Variants in FNBP1 observed in about 807,000 individuals in gnomAD.
The protein encoded by FNBP1 is formin-binding protein 1.
A neutral mutation model predicts 90.6 loss-of-function variants in FNBP1; 26 were observed. The ratio of observed to expected loss-of-function variants is 0.29; its 90% CI spans 0.21 to 0.40. The LOEUF (loss-of-function observed/expected upper bound fraction) is 0.40. Ranked by LOEUF, FNBP1 falls within the 10% of genes least tolerant of loss-of-function variation. FNBP1 has a pLI of 1.00. For synonymous variants in FNBP1, 260 were observed against 265.2 expected, an observed-to-expected ratio of 0.98 and a Z score of 0.19; for missense variants, 635 against 768.0, an observed-to-expected ratio of 0.83 and a Z score of 2.05.
intron 1 of FNBP1, among the ~76,000 whole-genome samples, chr9:130,014,989 T>A (rs1004491807): frequency 2.7e-5 from 4 of 145,754 alleles, no homozygotes; most frequent in Non-Finnish European, 4.5e-5. Context: ...AAAAAAAAAA[T>A]CCCGGACGAT....
At chr9:130,038,717 A>G (rs368348794) in intron 1 of FNBP1, among the ~76,000 whole-genome samples, 1 of 152,082 alleles carries the variant, frequency 6.6e-6, no homozygotes, top group Non-Finnish European at 1.5e-5. Context: ...GCTTCTTACT[A>G]TGCTAACCAA....
intron 4 of FNBP1, among the ~76,000 whole-genome samples, chr9:129,965,020 T>C (rs904177850): frequency 6.6e-6 from 1 of 152,176 alleles, no homozygotes; most frequent in African/African-American, 2.4e-5. Flanking sequence ...CAAACATGCC[T>C]GTGACAAATC....
chr9:130,015,679 TTTG>T (rs2057158003), intron 1 of FNBP1, among the ~76,000 whole-genome samples: 1 of 152,160 alleles, frequency 6.6e-6, no homozygotes, highest in African/African-American at 2.4e-5. Context: ...TTTCTTTTGT[TTTG>T]TTTTGTTTTG....
At chr9:130,015,079 C>G (rs193078088) in intron 1 of FNBP1, among the ~76,000 whole-genome samples, 10 of 152,058 alleles carry the variant, frequency 6.6e-5, no homozygotes, top group Non-Finnish European at 4.4e-5. Flanking sequence ...ATAAAATGTT[C>G]TTAAAAGAGA....
intron 2 of FNBP1, among the ~76,000 whole-genome samples, chr9:129,990,504 CTG>C (rs2131201341): frequency 6.6e-6 from 1 of 152,176 alleles, no homozygotes; most frequent in East Asian, 1.9e-4. Context: ...AAGGAGGCCT[CTG>C]TATGGTTACA....
intron 1 of FNBP1, among the ~76,000 whole-genome samples, chr9:130,000,350 GT>G (rs1445017032): frequency 1.3e-5 from 2 of 152,058 alleles, no homozygotes; most frequent in Admixed American, 6.6e-5. Flanking sequence ...AATTAGCTGG[GT>G]GTGGTGGTGG....
At chr9:129,907,085 GT>G (rs11431682) in intron 12 of FNBP1, among the ~76,000 whole-genome samples, 165 of 147,816 alleles carry the variant, frequency 1.1e-3, no homozygotes, top group African/African-American at 3.8e-3. Flanking sequence ...GCCCAAGCAC[GT>G]TTTTTTTTTT....
intron 1 of FNBP1, among the ~76,000 whole-genome samples, chr9:129,998,536 C>T (rs1051281883): frequency 4.6e-5 from 7 of 151,884 alleles, no homozygotes; most frequent in Non-Finnish European, 7.4e-5. Flanking sequence ...AACAAAAAAG[C>T]CCTCTCCCTG....
In FNBP1 at chr9:130,042,924, C is replaced by T; in HGVS notation, c.24+28G>A. On this transcript the variant is annotated intron_variant, in intron 1 of 16. Coordinates refer to ENST00000446176, the MANE Select transcript of FNBP1 (RefSeq NM_015033.3). This position sits in a 1 kb window ranked among gnomAD's most constrained non-coding sequence, Gnocchi z 5.5. The stretch of plus-strand genomic sequence containing the variant: ...GGGAAACGCAGCGCGCGCCCCGCAT[C>T]TGCCCGCGGGCCCAGCCCCTCACTC... The T allele has an allele frequency of 4.9e-6, 6 of 1,230,098 alleles. No individual in the cohort carries two copies. Among genetic ancestry groups the T allele is most frequent in the Non-Finnish European group, 6.1e-6 (6 of 985,512 alleles). The allele number at this position is 1,230,098 out of a possible 1,614,324, so 76.2% of individuals were successfully genotyped here. A position where few individuals can be genotyped will look rare whatever the true frequency, so the allele number is the denominator to read the frequency against.
intron 10 of FNBP1, 144 bp downstream of exon 10, chr9:129,923,700 T>C (rs2041455357): frequency 1.1e-6 from 1 of 948,472 alleles, no homozygotes; most frequent in Non-Finnish European, 1.4e-6. Flanking sequence ...TTTCTAGCTA[T>C]AATGGTTTTT....
intron 12 of FNBP1, among the ~76,000 whole-genome samples, chr9:129,906,331 A>C (rs927811188): frequency 7.2e-5 from 11 of 152,192 alleles, no homozygotes; most frequent in African/African-American, 9.7e-5. Flanking sequence ...TGTGGGCTTG[A>C]AAAGAGTGTT....
At chr9:130,008,310 T>C (rs113498802) in intron 1 of FNBP1, among the ~76,000 whole-genome samples, 144 of 150,818 alleles carry the variant, frequency 9.5e-4, no homozygotes, top group African/African-American at 3.3e-3. Flanking sequence ...GATTGTGCCA[T>C]TGCACTCCAG....
intron 6 of FNBP1, among the ~76,000 whole-genome samples, chr9:129,941,263 C>T (rs1461804364): frequency 6.6e-6 from 1 of 152,110 alleles, no homozygotes; most frequent in Non-Finnish European, 1.5e-5. Flanking sequence ...GTGGCCCACG[C>T]CTGTAATCCA....
chr9:130,023,821 G>A (rs1390335134), intron 1 of FNBP1, among the ~76,000 whole-genome samples: 4 of 152,080 alleles, frequency 2.6e-5, no homozygotes, highest in Non-Finnish European at 5.9e-5. Context: ...TTCCATCCAC[G>A]TGAGTGTATC....
chr9:129,988,403 G>C (rs999334964), intron 2 of FNBP1, among the ~76,000 whole-genome samples: 1 of 152,226 alleles, frequency 6.6e-6, no homozygotes, highest in African/African-American at 2.4e-5. Context: ...TCAGGGCCAG[G>C]TGCGGTGGCT....
In FNBP1 at chr9:129,928,447, T is replaced by A. The variant is rs535225782; in HGVS notation, c.643-1106A>T. ...GCCAAGGCGGGCGGATCACCTGAGGTCAGGAGTTCACGACCAGCCTGGCCA... is the reference window on the plus strand; with the variant it reads ...GCCAAGGCGGGCGGATCACCTGAGGACAGGAGTTCACGACCAGCCTGGCCA... On this transcript the variant is annotated intron_variant, in intron 7 of 16. Transcript: ENST00000446176. Among the ~76,000 whole-genome samples, 3 of 151,416 alleles carry A rather than the reference T, an allele frequency of 2.0e-5. No individual in the cohort carries two copies. In the East Asian group the frequency reaches 5.9e-4, roughly 30 times the overall value.
At chr9:129,919,339 T>G (rs554513689) in intron 10 of FNBP1, 154 of 540,004 alleles carry the variant, frequency 2.9e-4, no homozygotes, top group African/African-American at 2.7e-3. Context: ...TCAAAATCTT[T>G]CGGTCAACTT....
chr9:129,924,339 A>G (rs913844059), intron 9 of FNBP1, among the ~76,000 whole-genome samples: 2 of 152,206 alleles, frequency 1.3e-5, no homozygotes. Context: ...AAATATTTCT[A>G]CATTACCTAA....
intron 16 of FNBP1, among the ~76,000 whole-genome samples, chr9:129,893,590 GT>G (rs2035323068): frequency 1.0e-5 from 1 of 98,590 alleles, no homozygotes; most frequent in Non-Finnish European, 1.9e-5. Context: ...TTGAGTCTAG[GT>G]GACAGAGTGA....
Sources: allele counts gnomAD v4.1 joint callset (sites outside exome capture counted in the v4.1 genomes callset), GRCh38; gene constraint gnomAD v4.1.1; non-coding constraint Gnocchi (gnomAD v3.1); transcripts MANE v1.5; gene names NCBI Gene and HGNC (gene_info 2026-07-23, HGNC 2026-07-21).